Variants in CNTN3 observed in about 807,000 individuals in gnomAD.
The protein encoded by CNTN3 is contactin-3.
In CNTN3, 60 loss-of-function variants were observed where a neutral mutation model predicts 119.1. The ratio of observed to expected loss-of-function variants is 0.50; its 90% CI spans 0.41 to 0.62. The LOEUF is 0.62. Among genes scored for constraint, CNTN3 ranks in the 20% least tolerant of loss-of-function variants. CNTN3 has a pLI of 0.00. For synonymous variants in CNTN3, 450 were observed against 438.7 expected, an observed-to-expected ratio of 1.03 and a Z score of -0.32; for missense variants, 1,101 against 1,242.4, an observed-to-expected ratio of 0.89 and a Z score of 1.71.
rs561736613 is a variant in CNTN3 at position 74,584,012 on chromosome 3, A to G, written c.-81+30379T>C. Among the ~76,000 whole-genome samples, 3 of 152,306 alleles carry G rather than the reference A, an allele frequency of 2.0e-5. No homozygotes were observed. In the South Asian group the frequency reaches 6.2e-4, roughly 32 times the overall value. ...AGTCTCAGCTTTTTCATTTGGACAA[A>G]TGGAGGGAACAATACTTATTTCTTT... is the stretch of plus-strand genomic sequence containing the variant. On this transcript the variant is annotated intron_variant, in intron 1 of 22. Coordinates refer to ENST00000263665, the MANE Select transcript of CNTN3 (RefSeq NM_020872.3).
At chr3:74,588,944 CA>C (rs1425994503) in intron 1 of CNTN3, among the ~76,000 whole-genome samples, 1 of 152,068 alleles carries the variant, frequency 6.6e-6, no homozygotes, top group Non-Finnish European at 1.5e-5. Flanking sequence ...ACACCTTATA[CA>C]AAAACTAATT....
intron 1 of CNTN3, among the ~76,000 whole-genome samples, chr3:74,552,272 T>C (rs1347840358): frequency 6.6e-6 from 1 of 152,226 alleles, no homozygotes; most frequent in Non-Finnish European, 1.5e-5. Context: ...ATGTGGATAT[T>C]TTCGTGTGGA....
chr3:74,353,860 A>G (rs1436549305), intron 11 of CNTN3, among the ~76,000 whole-genome samples: 1 of 152,130 alleles, frequency 6.6e-6, no homozygotes, highest in African/African-American at 2.4e-5. Flanking sequence ...ACTTTAACAG[A>G]TGAATGCAGT....
chr3:74,584,838 T>C (rs1575846790), intron 1 of CNTN3, among the ~76,000 whole-genome samples: 1 of 152,258 alleles, frequency 6.6e-6, no homozygotes, highest in South Asian at 2.1e-4. Flanking sequence ...TGCTCCAAGA[T>C]GCAAGGTGGA....
At position 74,364,606 on chromosome 3, in the gene CNTN3, A is replaced by G. The variant is rs376233954; in HGVS notation, c.1084-10T>C. On this transcript the variant is annotated splice_polypyrimidine_tract_variant and intron_variant, in intron 9 of 22. Transcript: ENST00000263665. ...CTATCTGTGTTCTCTCCTAGATGAT[A>G]ATAAAAATATCTTTCATATAAACAA... The G allele has an allele frequency of 6.3e-7, 1 of 1,590,848 alleles. No individual in the cohort carries two copies. The highest frequency in any genetic ancestry group is 1.3e-5 in the African/African-American group (1 of 74,244).
At chr3:74,272,975 A>C (rs1701810357) in intron 20 of CNTN3, among the ~76,000 whole-genome samples, 1 of 152,158 alleles carries the variant, frequency 6.6e-6, no homozygotes, top group Non-Finnish European at 1.5e-5. Context: ...CTAAGTAAAA[A>C]TAGAAGGTCA....
At chr3:74,491,991 CAT>C (rs1434931126) in intron 3 of CNTN3, among the ~76,000 whole-genome samples, 4 of 152,136 alleles carry the variant, frequency 2.6e-5, no homozygotes, top group Non-Finnish European at 5.9e-5. Flanking sequence ...GCATTTCAAT[CAT>C]ATAACATTTA....
intron 1 of CNTN3, among the ~76,000 whole-genome samples, chr3:74,535,254 TA>T (rs1459849554): frequency 2.0e-5 from 3 of 152,020 alleles, no homozygotes; most frequent in Non-Finnish European, 4.4e-5. Flanking sequence ...TCACACCTAT[TA>T]GGGGCTGTAT....
rs1703347115 is a variant in CNTN3, at chr3:74,334,775, T to C, written c.1628A>G (p.Asp543Gly). 6.2e-7 allele frequency: 1 copy of C among 1,613,470 alleles called. No individual in the cohort carries two copies. Among genetic ancestry groups the C allele is most frequent in the Admixed American group, 1.7e-5 (1 of 59,956 alleles). Residue 543 changes from aspartate to glycine, a missense_variant, in exon 13 of 23, where the codon GAT becomes GGT. By Grantham distance (94) the Asp-to-Gly change is moderately conservative (BLOSUM62 -1). Coordinates refer to ENST00000263665, the MANE Select transcript of CNTN3 (RefSeq NM_020872.3). ...FTWYFNGALA[D>G]FKKDGSHFEK... ...AAAGTGAGATCCATCTTTCTTAAAA[T>C]CTGCAAGGGCCCCATTGAAATACCA...
chr3:74,369,853 A>G (rs1704293604), intron 7 of CNTN3, 36 bp downstream of exon 7: 1 of 1,096,390 alleles, frequency 9.1e-7, no homozygotes, highest in African/African-American at 1.6e-5. Flanking sequence ...GCAACCTAAT[A>G]TTTCAGCACA....
rs139685374 is a variant in CNTN3 at position 74,532,708 on chromosome 3, T to A, written c.-80-11516A>T. Among the ~76,000 whole-genome samples, 3 of 152,084 alleles carry A rather than the reference T, an allele frequency of 2.0e-5. No individual in the cohort carries two copies. In the East Asian group the frequency reaches 5.9e-4, roughly 30 times the overall value. On this transcript the variant is annotated intron_variant, in intron 1 of 22. Coordinates refer to ENST00000263665, the MANE Select transcript of CNTN3 (RefSeq NM_020872.3). ...TTTCATCACACTGCTCGGAATGGAA[T>A]GCAATCTAAAACTTATGAATTGTTC...
chr3:74,282,023 T>G (rs879325342), intron 20 of CNTN3, among the ~76,000 whole-genome samples: 1 of 152,224 alleles, frequency 6.6e-6, no homozygotes, highest in Admixed American at 6.5e-5. Flanking sequence ...TTTTAGAAAC[T>G]AATGCAACTT....
chr3:74,300,059 A>C (rs1702423021), intron 16 of CNTN3, 121 bp from the exon 17 acceptor site: 1 of 522,038 alleles, frequency 1.9e-6, no homozygotes, highest in African/African-American at 1.9e-5. Flanking sequence ...TGATTCATAC[A>C]TATGGGTGTT....
intron 4 of CNTN3, among the ~76,000 whole-genome samples, chr3:74,455,078 C>T (rs1575742916): frequency 1.3e-5 from 2 of 152,048 alleles, no homozygotes; most frequent in Admixed American, 6.6e-5. Flanking sequence ...GGGAAGTTCT[C>T]CTGGATAATA....
At chr3:74,400,359 G>C (rs1316369496) in intron 5 of CNTN3, among the ~76,000 whole-genome samples, 1 of 152,132 alleles carries the variant, frequency 6.6e-6, no homozygotes, top group Non-Finnish European at 1.5e-5. Flanking sequence ...CTTTCTCGAG[G>C]AACGGCACCG....
chr3:74,424,265 A>T (rs535550472), intron 5 of CNTN3, among the ~76,000 whole-genome samples: 2 of 152,196 alleles, frequency 1.3e-5, no homozygotes, highest in Admixed American at 1.3e-4. Context: ...ACTCTGGGTC[A>T]CTATCTTGGT....
rs187599050 is a variant in CNTN3, at chr3:74,463,132, C to T, written c.358+23324G>A. Among the ~76,000 whole-genome samples, 7 of 152,176 alleles carry T rather than the reference C, an allele frequency of 4.6e-5. No homozygotes were observed. The Middle Eastern group carries it at 0.01, about 222-fold the overall frequency. On this transcript the variant is annotated intron_variant, in intron 4 of 22. Transcript: ENST00000263665. ...ATCAAACTGAGCTCAGTAATCTAATCGTTGGTTCAATGAAGATCTGTAACA... is the reference window on the plus strand; with the variant it reads ...ATCAAACTGAGCTCAGTAATCTAATTGTTGGTTCAATGAAGATCTGTAACA...
intron 14 of CNTN3, 34 bp from the exon 15 acceptor site, chr3:74,301,839 A>T (rs1702464184): frequency 1.4e-5 from 23 of 1,606,788 alleles, no homozygotes; most frequent in Non-Finnish European, 1.9e-5. Context: ...ATTGAGTAGC[A>T]GTTCCATAAA....
chr3:74,468,676 C>T (rs1702507115), intron 4 of CNTN3, among the ~76,000 whole-genome samples: 1 of 152,126 alleles, frequency 6.6e-6, no homozygotes, highest in African/African-American at 2.4e-5. Context: ...ATACACTAAA[C>T]TATCAATTGG....
Sources: gnomAD v4.1 joint callset for allele counts (sites outside exome capture counted in the v4.1 genomes callset) on GRCh38, gnomAD v4.1.1 for gene constraint, MANE v1.5 for transcripts, NCBI Gene and HGNC (gene_info 2026-07-23, HGNC 2026-07-21) for gene names.